Variants in PON2 observed in about 807,000 individuals in gnomAD.
The protein encoded by PON2 is paraoxonase 2, also known as serum paraoxonase/arylesterase 2.
In PON2, 27 loss-of-function variants were observed where a neutral mutation model predicts 36.6. The ratio of observed to expected loss-of-function variants is 0.74; its 90% CI spans 0.54 to 1.02. The LOEUF (loss-of-function observed/expected upper bound fraction) is 1.02, where lower values mean the gene tolerates loss of function less well. Ranked by LOEUF, PON2 falls within the 50% of genes least tolerant of loss-of-function variation. The pLI is 0.00. For synonymous variants in PON2, 149 were observed against 156.3 expected, an observed-to-expected ratio of 0.95 and a Z score of 0.35; for missense variants, 363 against 421.1, an observed-to-expected ratio of 0.86 and a Z score of 1.21.
chr7:95,427,670 C>G (rs1335222177), intron 1 of PON2, among the ~76,000 whole-genome samples: 1 of 152,158 alleles, frequency 6.6e-6, no homozygotes, highest in Non-Finnish European at 1.5e-5. Context: ...GCTCAATGAA[C>G]AAGCTCTATA....
intron 2 of PON2, among the ~76,000 whole-genome samples, chr7:95,420,937 A>G (rs1039240163): frequency 3.3e-5 from 5 of 152,230 alleles, no homozygotes; most frequent in Non-Finnish European, 5.9e-5. Flanking sequence ...CTAACATAGC[A>G]TTCGACAAAC....
intron 7 of PON2, 59 bp from the exon 8 acceptor site, chr7:95,406,306 A>C (rs1809692437): frequency 2.6e-6 from 4 of 1,558,616 alleles, no homozygotes; most frequent in Non-Finnish European, 3.5e-6. Context: ...TAAATAATTT[A>C]GAGGTAACCT....
chr7:95,434,730 G>A, intron 1 of PON2, 148 bp downstream of exon 1: 1 of 795,592 alleles, frequency 1.3e-6, no homozygotes, highest in Non-Finnish European at 1.9e-6. Flanking sequence ...AACTAGCTGG[G>A]GGAGGGACAG....
chr7:95,430,393 C>G (rs551604409), intron 1 of PON2, among the ~76,000 whole-genome samples: 1 of 151,870 alleles, frequency 6.6e-6, no homozygotes, highest in South Asian at 2.1e-4. Context: ...CTCCGCCTCC[C>G]GGGTTCAAGT....
At chr7:95,426,614 G>A (rs1789323123) in intron 1 of PON2, among the ~76,000 whole-genome samples, 1 of 152,242 alleles carries the variant, frequency 6.6e-6, no homozygotes, top group African/African-American at 2.4e-5. Flanking sequence ...TGTCTCAGCA[G>A]TGAAACTGCC....
chr7:95,432,191 C>G (rs1271594912), intron 1 of PON2, among the ~76,000 whole-genome samples: 1 of 152,214 alleles, frequency 6.6e-6, no homozygotes, highest in Non-Finnish European at 1.5e-5. Flanking sequence ...AGGAGCATCA[C>G]TTGAGGCTGG....
At chr7:95,431,913 TAAA>T (rs35310147) in intron 1 of PON2, among the ~76,000 whole-genome samples, 19 of 143,842 alleles carry the variant, frequency 1.3e-4, no homozygotes, top group Admixed American at 1.4e-4. Context: ...ATGCTTATAC[TAAA>T]AAAAAAAAAA....
intron 3 of PON2, chr7:95,415,363 C>T (rs1789036629): frequency 1.3e-5 from 2 of 152,104 alleles, no homozygotes; most frequent in South Asian, 4.1e-4. Flanking sequence ...TAAAGTCTTT[C>T]TATTGTATAC....
chr7:95,427,979 C>T (rs1789354280), intron 1 of PON2, among the ~76,000 whole-genome samples: 2 of 152,126 alleles, frequency 1.3e-5, no homozygotes, highest in Non-Finnish European at 2.9e-5. Flanking sequence ...TTGCTAGAGC[C>T]TATTTGTTCC....
chr7:95,410,134 A>G (rs1350220703), intron 5 of PON2, 33 bp from the exon 6 acceptor site: 7 of 1,537,588 alleles, frequency 4.6e-6, no homozygotes, highest in Non-Finnish European at 6.3e-6. Context: ...GAGAGGAAAC[A>G]AAAGGCCTGT....
intron 2 of PON2, among the ~76,000 whole-genome samples, chr7:95,416,679 C>T (rs1263385864): frequency 6.6e-6 from 1 of 152,162 alleles, no homozygotes; most frequent in Non-Finnish European, 1.5e-5. Context: ...TGCAAATATC[C>T]TTGTCCTCTT....
chr7:95,423,844 G>A (rs756249562), intron 2 of PON2, among the ~76,000 whole-genome samples: 5 of 152,122 alleles, frequency 3.3e-5, no homozygotes, highest in Non-Finnish European at 7.4e-5. Context: ...GGTGGAAGGG[G>A]AAGAAAACAC....
At chr7:95,406,456 A>T (rs1809697016) in intron 7 of PON2, among the ~76,000 whole-genome samples, 1 of 152,226 alleles carries the variant, frequency 6.6e-6, no homozygotes, top group Non-Finnish European at 1.5e-5. Context: ...TTAGGGTGAT[A>T]ATCGGTCTCT....
chr7:95,423,900 G>A (rs1789252113), intron 2 of PON2, among the ~76,000 whole-genome samples: 1 of 152,172 alleles, frequency 6.6e-6, no homozygotes, highest in Admixed American at 6.5e-5. Flanking sequence ...CGAGCAAAAG[G>A]GGGAAAAGCC....
rs1314436552 is a variant in PON2, at chr7:95,409,986, C to T, written c.610G>A (p.Val204Ile). 1.2e-6 allele frequency: 2 copies of T among 1,613,830 alleles called. No homozygotes were observed. The highest frequency in any genetic ancestry group is 1.1e-5 in the South Asian group (1 of 91,078). ...ETYLNLHWANVVYYSPNEVKV... is the reference protein window; with the variant it reads ...ETYLNLHWANIVYYSPNEVKV... ...ACTTCATTTGGACTGTAGTAAACAA[C>T]ATTTGCCCAGTGTAAGTTCAAGTAT... Residue 204 changes from valine to isoleucine, a missense_variant, in exon 6 of 9, where the codon GTT becomes ATT. Physicochemically the swap from Val to Ile is conservative, Grantham distance 29. Coordinates refer to ENST00000222572, the MANE Select transcript of PON2 (RefSeq NM_000305.3).
chr7:95,409,915 A>C lies in PON2; in HGVS notation c.681T>G (p.Ile227Met), dbSNP rs1224062766. Residue 227 changes from isoleucine to methionine, a missense_variant, in exon 6 of 9, where the codon ATT becomes ATG. Physicochemically the swap from Ile to Met is conservative, Grantham distance 10. Coordinates refer to ENST00000222572, the MANE Select transcript of PON2 (RefSeq NM_000305.3). ...AGGGGCCATACTTATCATCAGGTGA[A>C]ATATTGATCCCATTTGCTGAATCAA... ...EGFDSANGIN[I>M]SPDDKYIYVA... 2.5e-6 allele frequency: 4 copies of C among 1,613,274 alleles called. No individual in the cohort carries two copies. The highest frequency in any genetic ancestry group is 3.4e-6 in the Non-Finnish European group (4 of 1,179,746).
At chr7:95,424,843 A>G (rs1354299963) in intron 1 of PON2, among the ~76,000 whole-genome samples, 1 of 152,190 alleles carries the variant, frequency 6.6e-6, no homozygotes, top group Non-Finnish European at 1.5e-5. Flanking sequence ...AACTCAACAA[A>G]TAAAACTTAT....
intron 1 of PON2, among the ~76,000 whole-genome samples, chr7:95,432,629 T>G (rs1285307653): frequency 6.6e-6 from 1 of 152,170 alleles, no homozygotes; most frequent in Non-Finnish European, 1.5e-5. Context: ...GACAACATAA[T>G]AAGCTTGTGA....
rs1219180298 is a variant in PON2, at chr7:95,424,163, A to C, written c.145+352T>G. 4 of 326,892 alleles carry C rather than the reference A, an allele frequency of 1.2e-5. No individual in the cohort carries two copies. In the Admixed American group the frequency reaches 1.8e-4, roughly 15 times the overall value. The allele number at this position is 326,892 out of a possible 1,614,324, so 20.2% of individuals were successfully genotyped here. On this transcript the variant is annotated intron_variant, in intron 2 of 8. Transcript: ENST00000222572. ...GGTAAATGCTGTCACTGCCTACATA[A>C]AGCTTCCTTCACTAGCTGACCACAA...
Sources: allele counts gnomAD v4.1 joint callset (sites outside exome capture counted in the v4.1 genomes callset), GRCh38; gene constraint gnomAD v4.1.1; transcripts MANE v1.5; gene names NCBI Gene and HGNC (gene_info 2026-07-23, HGNC 2026-07-21).